HSF2BP: variants seen among roughly 807,000 people sequenced by gnomAD.
HSF2BP encodes heat shock factor 2-binding protein.
HSF2BP carries 35 observed loss-of-function variants against 35.0 expected under a neutral mutation model. The ratio of observed to expected loss-of-function variants is 1.00; its 90% CI spans 0.76 to 1.32. The LOEUF (loss-of-function observed/expected upper bound fraction) is 1.32. Ranked by LOEUF, HSF2BP falls within the 40% of genes most tolerant of loss-of-function variation. The pLI is 0.00. For missense variants in HSF2BP, 326 were observed against 321.7 expected, an observed-to-expected ratio of 1.01 and a Z score of -0.10; for synonymous variants, 114 against 117.4, an observed-to-expected ratio of 0.97 and a Z score of 0.18.
intron 8 of HSF2BP, among the ~76,000 whole-genome samples, chr21:43,587,665 C>CAAA (rs11292342): frequency 2.5e-5 from 2 of 79,092 alleles, no homozygotes; most frequent in African/African-American, 5.1e-5. Context: ...AATTCTGTCT[C>CAAA]AAAAAAAAAA....
intron 7 of HSF2BP, among the ~76,000 whole-genome samples, chr21:43,600,395 T>C (rs2082037697): frequency 6.6e-6 from 1 of 152,128 alleles, no homozygotes; most frequent in Non-Finnish European, 1.5e-5. Context: ...CTGACCAAAA[T>C]CTAAGGTAGT....
At chr21:43,594,204 C>G (rs538897914) in intron 7 of HSF2BP, among the ~76,000 whole-genome samples, 1 of 152,108 alleles carries the variant, frequency 6.6e-6, no homozygotes, top group Non-Finnish European at 1.5e-5. Flanking sequence ...AAATCTCAGA[C>G]ATTTTTAAAT....
chr21:43,654,887 A>G (rs907112043), intron 3 of HSF2BP, among the ~76,000 whole-genome samples: 15 of 152,240 alleles, frequency 9.9e-5, no homozygotes, highest in East Asian at 1.9e-4. Flanking sequence ...GGAAGGCTGC[A>G]AAGCAGAGAA....
At chr21:43,505,424 C>T in the HSF2BP span, among the ~76,000 whole-genome samples, 1 of 107,246 alleles carries the variant, frequency 9.3e-6, no homozygotes, top group Non-Finnish European at 1.9e-5. Context: ...CTCACCGTGG[C>T]CAGAGCTGTG....
At chr21:43,637,088 A>C (rs544642684) in intron 4 of HSF2BP, among the ~76,000 whole-genome samples, 2 of 151,656 alleles carry the variant, frequency 1.3e-5, no homozygotes, top group Non-Finnish European at 2.9e-5. Flanking sequence ...CAGGAGTTCG[A>C]GACCAGCCTG....
At chr21:43,632,573 C>A (rs542841826) in intron 5 of HSF2BP, among the ~76,000 whole-genome samples, 14 of 152,142 alleles carry the variant, frequency 9.2e-5, no homozygotes, top group Non-Finnish European at 1.8e-4. Context: ...AAAAGTTACA[C>A]CAAGTGTGTC....
intron 8 of HSF2BP, among the ~76,000 whole-genome samples, chr21:43,587,759 T>G (rs2081874064): frequency 6.6e-6 from 1 of 150,648 alleles, no homozygotes; most frequent in Admixed American, 6.6e-5. Context: ...CCTCATATTA[T>G]CCATAAGCCA....
intron 3 of HSF2BP, among the ~76,000 whole-genome samples, chr21:43,650,529 A>T (rs2082770084): frequency 1.3e-5 from 2 of 151,896 alleles, no homozygotes; most frequent in Non-Finnish European, 2.9e-5. Context: ...TATAAAAAAT[A>T]GGATTTTCCT....
the HSF2BP span, among the ~76,000 whole-genome samples, chr21:43,500,003 AC>A: frequency 1.3e-5 from 1 of 77,778 alleles, no homozygotes; most frequent in East Asian, 3.1e-4. Flanking sequence ...ACACCCACAC[AC>A]CACATTCACA....
rs189690587 is a variant in HSF2BP, at chr21:43,655,571, C to T, written c.187+1016G>A. 1.1e-4 allele frequency among the ~76,000 whole-genome samples: 17 copies of T among 152,304 alleles called. No individual in the cohort carries two copies. In the East Asian group the frequency reaches 3.3e-3, roughly 29 times the overall value. ...TCTCTGTTGTGGAGGGATGCAGCTA[C>T]TGCCACAAAACAGCAGCAAAGCAGG... On this transcript the variant is annotated intron_variant, in intron 3 of 8. Transcript: ENST00000291560.
At chr21:43,579,490 T>A (rs765141757) in intron 8 of HSF2BP, among the ~76,000 whole-genome samples, 1 of 152,242 alleles carries the variant, frequency 6.6e-6, no homozygotes, top group Non-Finnish European at 1.5e-5. Flanking sequence ...AGCCACAGTG[T>A]ATTTTGAAGT....
chr21:43,642,881 C>T (rs915921832), intron 4 of HSF2BP, among the ~76,000 whole-genome samples: 7 of 150,438 alleles, frequency 4.7e-5, no homozygotes, highest in African/African-American at 1.7e-4. Context: ...CTCACTGCAA[C>T]CTCCACCTCC....
chr21:43,658,340 T>C lies in HSF2BP; in HGVS notation c.-224-20A>G. ...TGTTATCTGCAAAGCAGAAGGAAAG[T>C]CAGCCCCTGATGTAAGTGTCAAGTA... On this transcript the variant is annotated intron_variant, in intron 1 of 8. Transcript: ENST00000291560. 1 of 538,420 alleles carries C rather than the reference T, an allele frequency of 1.9e-6. No individual in the cohort carries two copies. Among genetic ancestry groups the C allele is most frequent in the East Asian group, 3.4e-5 (1 of 29,732 alleles). 33.4% of individuals were successfully genotyped at this position (538,420 alleles called of 1,614,324 possible).
chr21:43,585,484 C>T (rs1012461610), intron 8 of HSF2BP, among the ~76,000 whole-genome samples: 1 of 151,850 alleles, frequency 6.6e-6, no homozygotes, highest in Admixed American at 6.6e-5. Flanking sequence ...TGGCTCAAAA[C>T]TGGGTGGGAA....
the HSF2BP span, chr21:43,467,426 C>T: frequency 1.2e-5 from 1 of 84,022 alleles, no homozygotes; most frequent in Non-Finnish European, 2.3e-5. Context: ...GACACACCGA[C>T]CACATCCTGA....
At chr21:43,616,652 GA>G (rs1472121753) in intron 6 of HSF2BP, among the ~76,000 whole-genome samples, 1 of 151,970 alleles carries the variant, frequency 6.6e-6, no homozygotes. Flanking sequence ...TTAAAAAAAA[GA>G]AAAAACACGG....
intron 4 of HSF2BP, among the ~76,000 whole-genome samples, chr21:43,643,758 A>G (rs1026977373): frequency 2.0e-5 from 3 of 152,166 alleles, no homozygotes; most frequent in African/African-American, 7.2e-5. Context: ...GGAGATCGAG[A>G]CCATCCTGGC....
At chr21:43,657,072 T>A (rs1272034061) in intron 2 of HSF2BP, among the ~76,000 whole-genome samples, 1 of 152,014 alleles carries the variant, frequency 6.6e-6, no homozygotes, top group African/African-American at 2.4e-5. Context: ...TACAAAAATA[T>A]GAAAACGTGC....
intron 8 of HSF2BP, among the ~76,000 whole-genome samples, chr21:43,584,181 A>T (rs1380638503): frequency 2.0e-5 from 3 of 150,580 alleles, no homozygotes; most frequent in Non-Finnish European, 4.4e-5. Flanking sequence ...GCTGAGGGAG[A>T]TGAGGACCTG....
Sources: allele counts gnomAD v4.1 joint callset (sites outside exome capture counted in the v4.1 genomes callset), GRCh38; gene constraint gnomAD v4.1.1; transcripts MANE v1.5; gene names NCBI Gene and HGNC (gene_info 2026-07-23, HGNC 2026-07-21).